Variants in MOB1B observed in about 807,000 individuals in gnomAD.
The protein encoded by MOB1B is MOB kinase activator 1B.
A neutral mutation model predicts 24.4 loss-of-function variants in MOB1B; 19 were observed. The ratio of observed to expected loss-of-function variants is 0.78; its 90% CI spans 0.54 to 1.14. The LOEUF (loss-of-function observed/expected upper bound fraction) is 1.14, where lower values mean the gene tolerates loss of function less well. Ranked by LOEUF, MOB1B falls within the 50% of genes most tolerant of loss-of-function variation. MOB1B has a pLI of 0.00. For synonymous variants in MOB1B, 76 were observed against 82.1 expected, an observed-to-expected ratio of 0.93 and a Z score of 0.40; for missense variants, 243 against 259.6, an observed-to-expected ratio of 0.94 and a Z score of 0.44.
chr4:70,974,528 T>C (rs934779548), intron 3 of MOB1B, among the ~76,000 whole-genome samples: 2 of 152,144 alleles, frequency 1.3e-5, no homozygotes, highest in Admixed American at 1.3e-4. Context: ...TAGTATCTTT[T>C]ACATGGAAGG....
chr4:70,968,475 C>G (rs1738626907), intron 2 of MOB1B, among the ~76,000 whole-genome samples: 1 of 152,054 alleles, frequency 6.6e-6, no homozygotes, highest in Admixed American at 6.5e-5. Flanking sequence ...CCACACCCGG[C>G]TAATTTTGTA....
intron 3 of MOB1B, among the ~76,000 whole-genome samples, chr4:70,970,849 G>A (rs190175811): frequency 1.3e-5 from 2 of 152,332 alleles, no homozygotes; most frequent in Non-Finnish European, 2.9e-5. Flanking sequence ...AGAGGTAAAA[G>A]AAGTTGGCAG....
chr4:70,947,917 G>A (rs1034583856), intron 1 of MOB1B, among the ~76,000 whole-genome samples: 2 of 152,138 alleles, frequency 1.3e-5, no homozygotes, highest in Non-Finnish European at 2.9e-5. Context: ...CCACAGAGAA[G>A]AATTTTAAAC....
chr4:70,919,124 C>T (rs563763213), intron 1 of MOB1B, among the ~76,000 whole-genome samples: 1 of 150,158 alleles, frequency 6.7e-6, no homozygotes, highest in East Asian at 2.0e-4. Flanking sequence ...CACATGGACA[C>T]AGGAAGGGGA....
intron 1 of MOB1B, among the ~76,000 whole-genome samples, chr4:70,933,952 C>T (rs145056736): frequency 0.046 from 6,975 of 152,026 alleles, 300 homozygotes; most frequent in African/African-American, 0.11. Flanking sequence ...TTTCTGAGGC[C>T]GAGGCAGGTG....
chr4:70,940,789 G>A (rs1207903972), intron 1 of MOB1B, among the ~76,000 whole-genome samples: 1 of 151,128 alleles, frequency 6.6e-6, no homozygotes, highest in Non-Finnish European at 1.5e-5. Context: ...CAATTCTCCT[G>A]CCTCAGCCTC....
At chr4:70,912,957 G>A (rs780721636) in intron 1 of MOB1B, among the ~76,000 whole-genome samples, 6 of 152,036 alleles carry the variant, frequency 3.9e-5, no homozygotes, top group Non-Finnish European at 7.4e-5. Context: ...GGGTTTCACC[G>A]TATTGCCCAG....
intron 1 of MOB1B, among the ~76,000 whole-genome samples, chr4:70,911,491 G>A (rs748939261): frequency 6.6e-6 from 1 of 151,896 alleles, no homozygotes; most frequent in Non-Finnish European, 1.5e-5. Context: ...AGTAAATATG[G>A]TCATCTTTTC....
Position 70,985,372 on chromosome 4 carries a change from G to A in MOB1B, c.*3315G>A, listed in dbSNP as rs1021424761. 2.8e-4 allele frequency: 43 copies of A among 152,038 alleles called. No individual in the cohort carries two copies. Among genetic ancestry groups the A allele is most frequent in the Non-Finnish European group, 5.9e-5 (4 of 68,016 alleles). 9.4% of individuals were successfully genotyped at this position (152,038 alleles called of 1,614,324 possible). ...TCTTTTGGGAGCACTGTTTATTCCAGCTATACTGCAAAAGTATAATGTTTT... is the reference window on the plus strand; with the variant it reads ...TCTTTTGGGAGCACTGTTTATTCCAACTATACTGCAAAAGTATAATGTTTT... On this transcript the variant is annotated 3_prime_UTR_variant, in exon 6 of 6. Transcript: ENST00000309395.
intron 2 of MOB1B, among the ~76,000 whole-genome samples, chr4:70,963,252 T>C (rs1010393235): frequency 6.6e-6 from 1 of 152,030 alleles, no homozygotes; most frequent in African/African-American, 2.4e-5. Flanking sequence ...CATAGCTACT[T>C]GGGAGGCTGA....
chr4:70,956,793 A>G (rs1738072056), intron 1 of MOB1B, among the ~76,000 whole-genome samples: 2 of 152,178 alleles, frequency 1.3e-5, no homozygotes, highest in South Asian at 2.1e-4. Flanking sequence ...TATGAGGAAC[A>G]TCGGTTTAAT....
At position 70,983,184 on chromosome 4, in the gene MOB1B, G is replaced by A. The variant is rs1381408410; in HGVS notation, c.*1127G>A. ...TTAAACATGGAATTTAAGGACTGTTGGGGGAAATTGATCACTTCTTAGCAT... is the reference window on the plus strand; with the variant it reads ...TTAAACATGGAATTTAAGGACTGTTAGGGGAAATTGATCACTTCTTAGCAT... On this transcript the variant is annotated 3_prime_UTR_variant, in exon 6 of 6. Transcript: ENST00000309395. The A allele has an allele frequency of 6.6e-6, 1 of 152,412 alleles. No homozygotes were observed. The highest frequency in any genetic ancestry group is 1.5e-5 in the Non-Finnish European group (1 of 67,938). The allele number at this position is 152,412 out of a possible 1,614,324, so 9.4% of individuals were successfully genotyped here. A position where few individuals can be genotyped will look rare whatever the true frequency, so the allele number is the denominator to read the frequency against.
intron 1 of MOB1B, among the ~76,000 whole-genome samples, chr4:70,903,974 CTTTTTTTTTT>C (rs754257097): frequency 1.5e-4 from 12 of 81,020 alleles, no homozygotes; most frequent in South Asian, 5.4e-4. Flanking sequence ...TATTTTAGTT[CTTTTTTTTTT>C]TTTTTTTTTT....
intron 1 of MOB1B, among the ~76,000 whole-genome samples, chr4:70,944,071 C>T (rs1407676896): frequency 2.7e-5 from 4 of 150,886 alleles, no homozygotes; most frequent in South Asian, 2.1e-4. Flanking sequence ...TTTTTTGAGA[C>T]GGAGTCTTGC....
intron 1 of MOB1B, among the ~76,000 whole-genome samples, chr4:70,936,784 C>T (rs1737103915): frequency 6.6e-6 from 1 of 152,016 alleles, no homozygotes; most frequent in Non-Finnish European, 1.5e-5. Flanking sequence ...CTGAACATAC[C>T]CTCATACTTG....
chr4:70,956,436 A>T (rs1435744557), intron 1 of MOB1B, among the ~76,000 whole-genome samples: 1 of 151,570 alleles, frequency 6.6e-6, no homozygotes, highest in African/African-American at 2.4e-5. Flanking sequence ...TCAATTTTTT[A>T]TTTTTATTTT....
intron 1 of MOB1B, among the ~76,000 whole-genome samples, chr4:70,935,057 G>T (rs912373370): frequency 6.6e-6 from 1 of 152,078 alleles, no homozygotes; most frequent in Non-Finnish European, 1.5e-5. Flanking sequence ...GCCTAGCTGG[G>T]ACTACAGGTG....
chr4:70,948,182 T>G (rs987029887), intron 1 of MOB1B, among the ~76,000 whole-genome samples: 6 of 152,248 alleles, frequency 3.9e-5, no homozygotes, highest in Non-Finnish European at 7.3e-5. Context: ...TACCACTTGT[T>G]GAAAAGATCA....
At chr4:70,912,913 A>G (rs1298740896) in intron 1 of MOB1B, among the ~76,000 whole-genome samples, 3 of 152,090 alleles carry the variant, frequency 2.0e-5, no homozygotes, top group East Asian at 1.9e-4. Flanking sequence ...AGCATGTTCT[A>G]CCACACCCGG....
Sources: gnomAD v4.1 joint callset for allele counts (sites outside exome capture counted in the v4.1 genomes callset) on GRCh38, gnomAD v4.1.1 for gene constraint, MANE v1.5 for transcripts, NCBI Gene and HGNC (gene_info 2026-07-23, HGNC 2026-07-21) for gene names.